Variants in COMMD1 observed in about 807,000 individuals in gnomAD.
COMMD1 encodes the protein COMM domain-containing protein 1.
Under a neutral mutation model 17.2 loss-of-function variants are expected in COMMD1, and 10 were observed. That is an observed-to-expected ratio of 0.58 (90% CI 0.36 to 0.99). The LOEUF is 0.99. Among genes scored for constraint, COMMD1 ranks in the 50% least tolerant of loss-of-function variants. COMMD1 has a pLI of 0.01. For synonymous variants in COMMD1, 97 were observed against 91.6 expected (o/e 1.06, Z -0.34); for missense variants, 270 against 231.8 (o/e 1.17, Z -1.07).
chr2:62,131,016 AG>A (rs1421438566), intron 2 of COMMD1, among the ~76,000 whole-genome samples: 4 of 152,230 alleles, frequency 2.6e-5, no homozygotes, highest in African/African-American at 9.6e-5. Flanking sequence ...GGAGTTCATT[AG>A]GAATATGTGA....
At chr2:62,067,367 A>G (rs1671082838) in intron 2 of COMMD1, among the ~76,000 whole-genome samples, 3 of 152,160 alleles carry the variant, frequency 2.0e-5, no homozygotes, top group Non-Finnish European at 4.4e-5. Flanking sequence ...TGTATAGTTC[A>G]TTCTAGGTAT....
intron 2 of COMMD1, among the ~76,000 whole-genome samples, chr2:62,066,310 A>G (rs1275050912): frequency 6.6e-6 from 1 of 152,098 alleles, no homozygotes; most frequent in Non-Finnish European, 1.5e-5. Flanking sequence ...ACTTAGGTTG[A>G]GGGAGGAGAA....
chr2:61,928,158 C>CTATTTATT (rs998835832), intron 1 of COMMD1, among the ~76,000 whole-genome samples: 2 of 151,558 alleles, frequency 1.3e-5, no homozygotes, highest in Admixed American at 6.6e-5. Flanking sequence ...AAGCAGGGAG[C>CTATTTATT]TATTTATTTA....
intron 2 of COMMD1, among the ~76,000 whole-genome samples, chr2:62,042,926 G>A (rs764878630): frequency 3.9e-5 from 6 of 152,180 alleles, no homozygotes; most frequent in African/African-American, 7.2e-5. Flanking sequence ...TTGAAATAAC[G>A]TCTTTTATTT....
intron 2 of COMMD1, chr2:62,001,202 C>T (rs1668930143): frequency 1.9e-6 from 1 of 539,628 alleles, no homozygotes; most frequent in Non-Finnish European, 3.3e-6. Context: ...CTCAGAAGAA[C>T]AGAATGGGCC....
At chr2:61,890,117 T>C (rs1028298782) in intron 1 of COMMD1, among the ~76,000 whole-genome samples, 6 of 152,242 alleles carry the variant, frequency 3.9e-5, no homozygotes, top group African/African-American at 1.4e-4. Flanking sequence ...CTCACAATTA[T>C]TAAGCACCTG....
intron 2 of COMMD1, among the ~76,000 whole-genome samples, chr2:62,041,882 G>C (rs768584671): frequency 6.6e-6 from 1 of 152,192 alleles, no homozygotes; most frequent in South Asian, 2.1e-4. Context: ...TCATAAAGGC[G>C]ATGCAGACCC....
intron 1 of COMMD1, among the ~76,000 whole-genome samples, chr2:61,897,599 A>G (rs956442798): frequency 2.0e-5 from 3 of 152,158 alleles, no homozygotes; most frequent in Non-Finnish European, 2.9e-5. Flanking sequence ...AATACAAAAA[A>G]TTAGCTGGGC....
upstream of COMMD1, among the ~76,000 whole-genome samples, chr2:61,904,621 AAC>A (rs1453967689): frequency 6.6e-6 from 1 of 152,242 alleles, no homozygotes; most frequent in Non-Finnish European, 1.5e-5. Flanking sequence ...GGTGTACCCA[AAC>A]ACACATATTA....
At chr2:62,102,980 CTTT>C (rs1237752965) in intron 2 of COMMD1, among the ~76,000 whole-genome samples, 9 of 140,770 alleles carry the variant, frequency 6.4e-5, no homozygotes, top group Admixed American at 2.1e-4. Context: ...CTTTTTCTTT[CTTT>C]TTTTTTTTTT....
intron 1 of COMMD1, among the ~76,000 whole-genome samples, chr2:61,983,796 G>A (rs1423787059): frequency 2.0e-5 from 3 of 151,880 alleles, no homozygotes; most frequent in East Asian, 3.8e-4. Flanking sequence ...GCATTTTGTT[G>A]ATCTTTGGTA....
chr2:61,984,305 C>A (rs1672043546), intron 1 of COMMD1, among the ~76,000 whole-genome samples: 1 of 152,226 alleles, frequency 6.6e-6, no homozygotes, highest in Non-Finnish European at 1.5e-5. Context: ...GGATTACAGG[C>A]ATGAGCCACC....
At chr2:62,131,621 C>T (rs1247650664) in intron 2 of COMMD1, among the ~76,000 whole-genome samples, 1 of 152,174 alleles carries the variant, frequency 6.6e-6, no homozygotes, top group Non-Finnish European at 1.5e-5. Flanking sequence ...TGGCTCACTG[C>T]AACCTTGACC....
intron 1 of COMMD1, among the ~76,000 whole-genome samples, chr2:61,922,508 G>C (rs1349059531): frequency 3.3e-5 from 5 of 152,072 alleles, no homozygotes; most frequent in African/African-American, 1.2e-4. Context: ...GTAGAGATGG[G>C]TTTCACCATG....
At chr2:61,906,604 C>T (rs1669777587) in intron 1 of COMMD1, among the ~76,000 whole-genome samples, 2 of 144,690 alleles carry the variant, frequency 1.4e-5, no homozygotes, top group African/African-American at 5.5e-5. Context: ...TTGGACAACT[C>T]TATTTAGACC....
At chr2:61,973,869 C>T (rs893048511) in intron 1 of COMMD1, among the ~76,000 whole-genome samples, 2 of 152,208 alleles carry the variant, frequency 1.3e-5, no homozygotes, top group Admixed American at 1.3e-4. Context: ...AATCCACACA[C>T]CTGTCATCCC....
intron 1 of COMMD1, among the ~76,000 whole-genome samples, chr2:61,933,063 G>A (rs965612343): frequency 2.6e-5 from 4 of 152,108 alleles, no homozygotes; most frequent in Admixed American, 6.6e-5. Flanking sequence ...CTCTCAGTGG[G>A]ATGGGGAGTT....
intron 1 of COMMD1, among the ~76,000 whole-genome samples, chr2:61,950,975 T>C (rs1671036415): frequency 6.6e-6 from 1 of 152,196 alleles, no homozygotes; most frequent in African/African-American, 2.4e-5. Context: ...GGAACTATTG[T>C]TTACCAACTT....
intron 2 of COMMD1, among the ~76,000 whole-genome samples, chr2:62,068,168 C>T (rs994684984): frequency 6.6e-6 from 1 of 152,096 alleles, no homozygotes; most frequent in Admixed American, 6.5e-5. Flanking sequence ...TGATTCTCAA[C>T]CAAGATGATT....
Sources: allele counts gnomAD v4.1 joint callset (sites outside exome capture counted in the v4.1 genomes callset), GRCh38; gene constraint gnomAD v4.1.1; transcripts MANE v1.5; gene names NCBI Gene and HGNC (gene_info 2026-07-23, HGNC 2026-07-21).